Variants in CLEC16A observed in about 807,000 individuals in gnomAD.
CLEC16A encodes the protein C-type lectin domain containing 16A.
A neutral mutation model predicts 109.5 loss-of-function variants in CLEC16A; 51 were observed. The ratio of observed to expected loss-of-function variants is 0.47; its 90% CI spans 0.37 to 0.59. The LOEUF (loss-of-function observed/expected upper bound fraction) is 0.59, where lower values mean the gene tolerates loss of function less well. CLEC16A is among the 20% of genes least tolerant of loss of function. CLEC16A has a pLI of 0.00. For synonymous variants in CLEC16A, 673 were observed against 564.2 expected, an observed-to-expected ratio of 1.19 and a Z score of -2.73; for missense variants, 1,339 against 1,394.0, an observed-to-expected ratio of 0.96 and a Z score of 0.63.
At chr16:11,105,087 C>A (rs2051138551) in intron 19 of CLEC16A, among the ~76,000 whole-genome samples, 1 of 152,162 alleles carries the variant, frequency 6.6e-6, no homozygotes, top group Non-Finnish European at 1.5e-5. Context: ...CAGAGTTAGG[C>A]AATTTTATTT....
At chr16:11,029,303 C>T (rs1401715860) in intron 13 of CLEC16A, among the ~76,000 whole-genome samples, 1 of 152,180 alleles carries the variant, frequency 6.6e-6, no homozygotes, top group East Asian at 1.9e-4. Flanking sequence ...CCACAGGCTT[C>T]ATTCTGGCAG....
chr16:11,134,814 C>G (rs1028474255), intron 22 of CLEC16A, among the ~76,000 whole-genome samples: 1 of 152,222 alleles, frequency 6.6e-6, no homozygotes, highest in African/African-American at 2.4e-5. Context: ...TGTCAGAGAT[C>G]AGTAGGATAG....
intron 13 of CLEC16A, chr16:11,027,119 G>T (rs775904000): frequency 3.3e-6 from 5 of 1,510,088 alleles, no homozygotes; most frequent in Non-Finnish European, 1.8e-6. Context: ...CCCAGGCAAA[G>T]CAGGAACTTT....
chr16:10,970,468 T>C (rs1449030647), intron 4 of CLEC16A, among the ~76,000 whole-genome samples: 2 of 152,224 alleles, frequency 1.3e-5, no homozygotes, highest in Non-Finnish European at 1.5e-5. Context: ...ATGTTATAGA[T>C]GTAGAAACAG....
At chr16:10,948,065 T>TA (rs1257932327) in intron 1 of CLEC16A, among the ~76,000 whole-genome samples, 1 of 152,116 alleles carries the variant, frequency 6.6e-6, no homozygotes, top group Non-Finnish European at 1.5e-5. Flanking sequence ...AGCTAATTTT[T>TA]TGTATTTTTA....
intron 1 of CLEC16A, among the ~76,000 whole-genome samples, chr16:10,950,730 G>A (rs904427031): frequency 6.6e-5 from 10 of 152,200 alleles, no homozygotes; most frequent in Admixed American, 3.9e-4. Flanking sequence ...GCCTCTGCCC[G>A]AGTGCTGAAC....
intron 16 of CLEC16A, among the ~76,000 whole-genome samples, chr16:11,045,603 AG>A (rs935841735): frequency 2.6e-5 from 4 of 152,258 alleles, no homozygotes; most frequent in Middle Eastern, 3.4e-3. Context: ...TGTGTCTTTC[AG>A]GGAAGGCTCA....
chr16:11,022,027 T>G (rs2046131082), intron 12 of CLEC16A, among the ~76,000 whole-genome samples: 1 of 152,200 alleles, frequency 6.6e-6, no homozygotes, highest in Admixed American at 6.5e-5. Flanking sequence ...TTCTGAATTT[T>G]GGTGGAGAGA....
At chr16:11,092,474 C>T (rs532209807) in intron 19 of CLEC16A, among the ~76,000 whole-genome samples, 7 of 151,654 alleles carry the variant, frequency 4.6e-5, no homozygotes, top group East Asian at 3.9e-4. Flanking sequence ...CACAGCCTCC[C>T]GGGAGGTTCC....
At chr16:10,980,601 G>C (rs1376706000) in intron 9 of CLEC16A, among the ~76,000 whole-genome samples, 1 of 152,010 alleles carries the variant, frequency 6.6e-6, no homozygotes, top group African/African-American at 2.4e-5. Flanking sequence ...AGAGAGTTAG[G>C]ACTTTTCTCT....
intron 19 of CLEC16A, among the ~76,000 whole-genome samples, chr16:11,096,593 C>T (rs1449285866): frequency 1.3e-5 from 2 of 151,946 alleles, no homozygotes; most frequent in East Asian, 3.9e-4. Flanking sequence ...CATACCATAC[C>T]CCAAAGATAA....
intron 21 of CLEC16A, among the ~76,000 whole-genome samples, chr16:11,124,452 C>T (rs1289952715): frequency 6.6e-6 from 1 of 152,160 alleles, no homozygotes; most frequent in Non-Finnish European, 1.5e-5. Context: ...TAAGAGGCAG[C>T]CCTGCTTGGT....
At chr16:10,956,091 A>G (rs759002166) in intron 1 of CLEC16A, among the ~76,000 whole-genome samples, 9 of 152,346 alleles carry the variant, frequency 5.9e-5, no homozygotes, top group Admixed American at 2.0e-4. Flanking sequence ...TGTTTGAGTT[A>G]CCTAATTATA....
intron 22 of CLEC16A, among the ~76,000 whole-genome samples, chr16:11,139,779 G>GA (rs1423191235): frequency 6.6e-6 from 1 of 152,220 alleles, no homozygotes; most frequent in Non-Finnish European, 1.5e-5. Context: ...TGACTCCTCT[G>GA]AAAATATTTG....
At chr16:11,021,919 A>G (rs1174148326) in intron 12 of CLEC16A, among the ~76,000 whole-genome samples, 1 of 152,190 alleles carries the variant, frequency 6.6e-6, no homozygotes, top group Admixed American at 6.5e-5. Flanking sequence ...TTGCTAATGG[A>G]AGAGAAACAC....
At chr16:10,973,595 G>A (rs1308471264) in intron 7 of CLEC16A, among the ~76,000 whole-genome samples, 1 of 151,956 alleles carries the variant, frequency 6.6e-6, no homozygotes, top group Non-Finnish European at 1.5e-5. Flanking sequence ...TTGAGACAGA[G>A]TATTGCTCTG....
chr16:11,049,931 A>G (rs758847270), intron 17 of CLEC16A, among the ~76,000 whole-genome samples: 8 of 152,230 alleles, frequency 5.3e-5, no homozygotes, highest in Non-Finnish European at 7.3e-5. Flanking sequence ...AAAGTGTCCA[A>G]AAGAAGAAGG....
chr16:11,027,252 C>T lies in CLEC16A; in HGVS notation c.1537+2331C>T, dbSNP rs35116523. ...TCTCAGACGACTAGAAGTGAAACCT[C>T]ATGCCGTGGAATTGCCAGATAAACA... On this transcript the variant is annotated intron_variant, in intron 13 of 23. Transcript: ENST00000409790. The T allele has an allele frequency of 1.8e-3, 2,763 of 1,544,142 alleles. 36 individuals carry two copies. In the African/African-American group the frequency reaches 0.034, roughly 19 times the overall value.
In CLEC16A at chr16:11,047,310, G is replaced by C; in HGVS notation, c.1834G>C (p.Asp612His). The stretch of plus-strand genomic sequence containing the variant: ...TTTTTAGGGAGAAGACATTTTTTTG[G>C]ACATGTTTGAAGATGAGTATAGGAG... ...HFYKGEDIFLDMFEDEYRSMT... is the reference protein window; with the variant it reads ...HFYKGEDIFLHMFEDEYRSMT... Residue 612 changes from aspartate to histidine, a missense_variant, in exon 17 of 24, where the codon GAC becomes CAC. By Grantham distance (81) the Asp-to-His change is moderately conservative. Coordinates refer to ENST00000409790, the MANE Select transcript of CLEC16A (RefSeq NM_015226.3). 1 of 1,609,842 alleles carries C rather than the reference G, an allele frequency of 6.2e-7. No individual in the cohort carries two copies. The highest frequency in any genetic ancestry group is 8.5e-7 in the Non-Finnish European group (1 of 1,178,200).
Sources: allele counts gnomAD v4.1 joint callset (sites outside exome capture counted in the v4.1 genomes callset), GRCh38; gene constraint gnomAD v4.1.1; transcripts MANE v1.5; gene names NCBI Gene and HGNC (gene_info 2026-07-23, HGNC 2026-07-21).